KATNIP: variants seen among roughly 807,000 people sequenced by gnomAD.
The protein encoded by KATNIP is katanin-interacting protein.
Under a neutral mutation model 174.0 loss-of-function variants are expected in KATNIP, and 126 were observed. The observed-to-expected ratio is 0.72, with a 90% CI of 0.63 to 0.84. The LOEUF (loss-of-function observed/expected upper bound fraction) is 0.84. Ranked by LOEUF, KATNIP falls within the 40% of genes least tolerant of loss-of-function variation. KATNIP has a pLI of 0.00. For missense variants in KATNIP, 1,958 were observed against 2,109.7 expected, an observed-to-expected ratio of 0.93 and a Z score of 1.41; for synonymous variants, 810 against 835.7, an observed-to-expected ratio of 0.97 and a Z score of 0.53.
intron 22 of KATNIP, among the ~76,000 whole-genome samples, chr16:27,771,924 G>A (rs1294178305): frequency 6.6e-6 from 1 of 152,208 alleles, no homozygotes; most frequent in Non-Finnish European, 1.5e-5. Flanking sequence ...ACTGACCCCA[G>A]TGGCTGGACT....
At chr16:27,606,656 A>G (rs1228966584) in intron 2 of KATNIP, among the ~76,000 whole-genome samples, 3 of 151,664 alleles carry the variant, frequency 2.0e-5, no homozygotes, top group Non-Finnish European at 4.4e-5. Flanking sequence ...TCTAGTTGCT[A>G]TTTGGCCTGT....
intron 15 of KATNIP, among the ~76,000 whole-genome samples, chr16:27,741,690 G>T (rs2081114895): frequency 6.6e-6 from 1 of 152,142 alleles, no homozygotes; most frequent in East Asian, 1.9e-4. Flanking sequence ...ATAACCTGAG[G>T]CCAGGAGTTC....
chr16:27,628,478 G>A (rs2076392760), intron 3 of KATNIP, 183 bp from the exon 4 acceptor site: 2 of 613,590 alleles, frequency 3.3e-6, no homozygotes, highest in East Asian at 2.9e-5. Flanking sequence ...TGCCCCTCGT[G>A]GCTTCTCTAA....
intron 14 of KATNIP, among the ~76,000 whole-genome samples, chr16:27,732,460 G>A (rs1448497336): frequency 6.6e-6 from 1 of 152,212 alleles, no homozygotes; most frequent in Admixed American, 6.5e-5. Flanking sequence ...GATAGGAATA[G>A]CCCTTTCCCC....
At chr16:27,566,023 T>G (rs752733633) in intron 1 of KATNIP, among the ~76,000 whole-genome samples, 54 of 118,362 alleles carry the variant, frequency 4.6e-4, no homozygotes, top group Middle Eastern at 9.3e-3. Flanking sequence ...CCAGCAGCTG[T>G]TTTTTTTTTT....
intron 19 of KATNIP, 65 bp from the exon 20 acceptor site, chr16:27,766,243 GC>G: frequency 6.4e-7 from 1 of 1,568,204 alleles, no homozygotes; most frequent in Non-Finnish European, 8.7e-7. Context: ...GGGGGTGGGG[GC>G]CCCACTGTGA....
intron 5 of KATNIP, among the ~76,000 whole-genome samples, chr16:27,631,956 T>G (rs139401652): frequency 2.0e-5 from 3 of 152,280 alleles, no homozygotes; most frequent in African/African-American, 7.2e-5. Flanking sequence ...TCCTTTGCCC[T>G]CCCAGCAGAA....
intron 8 of KATNIP, 102 bp from the exon 9 acceptor site, chr16:27,698,226 C>A: frequency 1.6e-6 from 2 of 1,220,064 alleles, no homozygotes; most frequent in Non-Finnish European, 2.3e-6. Context: ...AGAGTATGGG[C>A]CAGTTGTTTT....
At chr16:27,677,584 AAGC>A (rs1712981569) in intron 6 of KATNIP, 142 bp from the exon 7 acceptor site, 1 of 832,892 alleles carries the variant, frequency 1.2e-6, no homozygotes, top group African/African-American at 1.7e-5. Flanking sequence ...CTCGTCTTCA[AAGC>A]AGTGACATCA....
chr16:27,727,727 G>A (rs1461778778), intron 14 of KATNIP: 1 of 152,250 alleles, frequency 6.6e-6, no homozygotes, highest in Non-Finnish European at 1.5e-5. Flanking sequence ...GAAGAGATTA[G>A]TTCAGTAATG....
chr16:27,775,463 C>T (rs771447024), intron 24 of KATNIP, among the ~76,000 whole-genome samples: 1 of 152,248 alleles, frequency 6.6e-6, no homozygotes, highest in Non-Finnish European at 1.5e-5. Flanking sequence ...TCTCCGCACA[C>T]TCACGGTTTC....
At chr16:27,725,072 C>T (rs1479860058) in intron 14 of KATNIP, among the ~76,000 whole-genome samples, 3 of 152,178 alleles carry the variant, frequency 2.0e-5, no homozygotes, top group East Asian at 3.8e-4. Context: ...GTGGAGGCTG[C>T]ACCACCACTA....
intron 6 of KATNIP, among the ~76,000 whole-genome samples, chr16:27,669,714 A>G (rs1433498272): frequency 6.6e-6 from 1 of 152,178 alleles, no homozygotes; most frequent in African/African-American, 2.4e-5. Flanking sequence ...TCACGTGAGC[A>G]TTATAAGGGT....
chr16:27,675,843 CCT>C (rs1396526521), intron 6 of KATNIP, among the ~76,000 whole-genome samples: 1 of 152,130 alleles, frequency 6.6e-6, no homozygotes, highest in South Asian at 2.1e-4. Context: ...TGGAAAATCC[CCT>C]CTCTGTCCTG....
chr16:27,579,500 G>A (rs529929306), intron 2 of KATNIP, among the ~76,000 whole-genome samples: 2 of 152,310 alleles, frequency 1.3e-5, no homozygotes, highest in Admixed American at 1.3e-4. Context: ...ATTACTTGAA[G>A]TGTCTAGGAT....
intron 4 of KATNIP, 137 bp downstream of exon 4, chr16:27,628,967 A>G: frequency 1.2e-6 from 1 of 836,850 alleles, no homozygotes; most frequent in South Asian, 1.7e-5. Context: ...CAAGAGTTCC[A>G]GACCAGCCTG....
At chr16:27,670,374 C>T (rs2142641225) in intron 6 of KATNIP, among the ~76,000 whole-genome samples, 1 of 152,346 alleles carries the variant, frequency 6.6e-6, no homozygotes, top group South Asian at 2.1e-4. Context: ...ACAGCGCTTA[C>T]CATTAGACCT....
At position 27,677,948 on chromosome 16, in the gene KATNIP, C is replaced by A. The variant is rs1445139754; in HGVS notation, c.760C>A (p.Pro254Thr). 52 of 1,614,128 alleles carry A rather than the reference C, an allele frequency of 3.2e-5. No individual in the cohort carries two copies. The highest frequency in any genetic ancestry group is 4.2e-5 in the Non-Finnish European group (49 of 1,180,050). The change falls in exon 7 of 28, where the codon CCA (proline) becomes ACA (threonine). Residue 254 changes from proline (P) to threonine (T), a missense_variant. By Grantham distance (38) the Pro-to-Thr change is conservative. Transcript: ENST00000261588. ...ACAGGAGACAGAAGGACGCTCTTCT[C>A]CAGGCCCAGACACCCTCGTGGTGCT... ...GEQETEGRSS[P>T]GPDTLVVLEF...
At chr16:27,569,260 CGAT>C (rs2090201218) in intron 1 of KATNIP, among the ~76,000 whole-genome samples, 1 of 152,106 alleles carries the variant, frequency 6.6e-6, no homozygotes, top group African/African-American at 2.4e-5. Context: ...TAAATGGTAG[CGAT>C]GAAGATTATC....
Sources: gnomAD v4.1 joint callset for allele counts (sites outside exome capture counted in the v4.1 genomes callset) on GRCh38, gnomAD v4.1.1 for gene constraint, MANE v1.5 for transcripts, NCBI Gene and HGNC (gene_info 2026-07-23, HGNC 2026-07-21) for gene names.